The following B4GALNT3 variants were observed in gnomAD, a reference collection of about 807,000 sequenced individuals.
The protein encoded by B4GALNT3 is beta-1,4-N-acetyl-galactosaminyltransferase 3.
Under a neutral mutation model 120.2 loss-of-function variants are expected in B4GALNT3, and 86 were observed. The observed-to-expected ratio is 0.72, with a 90% CI of 0.60 to 0.86. The LOEUF (loss-of-function observed/expected upper bound fraction) is 0.86, where lower values mean the gene tolerates loss of function less well. Among genes scored for constraint, B4GALNT3 ranks in the 40% least tolerant of loss-of-function variants. The probability of loss-of-function intolerance (pLI) is 0.00; values close to 1 mark genes in which losing one functional copy is unlikely to be tolerated. For synonymous variants in B4GALNT3, 518 were observed against 510.4 expected (o/e 1.01, Z -0.20); for missense variants, 1,167 against 1,298.9 (o/e 0.90, Z 1.56).
At chr12:557,560 T>C (rs1357852464) in intron 15 of B4GALNT3, 48 bp from the exon 16 acceptor site, 45 of 1,579,738 alleles carry the variant, frequency 2.8e-5, no homozygotes, top group Non-Finnish European at 3.8e-5. Context: ...CATCCGCTCA[T>C]CTTTGCCTTG....
Position 557,618 on chromosome 12 carries a change from G to A in B4GALNT3, c.2391G>A (p.Gln797=). Residue 797 remains glutamine (Q), a synonymous_variant, in exon 16 of 20, where the codon CAG becomes CAA. Coordinates refer to ENST00000266383, the MANE Select transcript of B4GALNT3 (RefSeq NM_173593.4). ...GACCCCCTGGGGTAGTGAAGAACCA[G>A]GCACGCTGGGTACAGCAATTCATCA... ...VVHFVVPVKN[Q]ARWVQQFIKD... The A allele has an allele frequency of 1.9e-6, 3 of 1,610,668 alleles. No homozygotes were observed. The highest frequency in any genetic ancestry group is 1.7e-5 in the Admixed American group (1 of 59,312).
chr12:520,203 C>T (rs530190092), intron 1 of B4GALNT3, among the ~76,000 whole-genome samples: 9 of 152,276 alleles, frequency 5.9e-5, no homozygotes, highest in South Asian at 2.1e-4. Context: ...GCTATCCATG[C>T]GTCTTAGCAA....
chr12:528,406 A>G (rs1946777017), intron 1 of B4GALNT3, among the ~76,000 whole-genome samples: 2 of 152,154 alleles, frequency 1.3e-5, no homozygotes, highest in Non-Finnish European at 2.9e-5. Context: ...ATTATATTAA[A>G]TAAAACACCC....
chr12:514,359 G>A (rs1946629656), intron 1 of B4GALNT3, among the ~76,000 whole-genome samples: 1 of 152,018 alleles, frequency 6.6e-6, no homozygotes, highest in South Asian at 2.1e-4. Context: ...CACCACGCCT[G>A]GCTAATTTTT....
intron 1 of B4GALNT3, among the ~76,000 whole-genome samples, chr12:467,031 A>C (rs1946088269): frequency 6.6e-6 from 1 of 152,206 alleles, no homozygotes. Context: ...AGATTAGTTT[A>C]GCATATTTTA....
In B4GALNT3 at chr12:548,500, C is replaced by T. The variant is rs1413093429; in HGVS notation, c.853+203C>T. 3.3e-5 allele frequency among the ~76,000 whole-genome samples: 5 copies of T among 152,168 alleles called. No homozygotes were observed. The highest frequency in any genetic ancestry group is 1.2e-4 in the African/African-American group (5 of 41,432). ...CAGGGTCAGTGACCCCTTTGAGAACCTGCTAGAAGCTCTCTGAGCCCTTGC... is the reference window on the plus strand; with the variant it reads ...CAGGGTCAGTGACCCCTTTGAGAACTTGCTAGAAGCTCTCTGAGCCCTTGC... On this transcript the variant is annotated intron_variant, in intron 9 of 19. Coordinates refer to ENST00000266383, the MANE Select transcript of B4GALNT3 (RefSeq NM_173593.4). The surrounding 1 kb of genome is among the most constrained non-coding windows in gnomAD (Gnocchi z 4.9).
chr12:489,785 G>C (rs1458089051), intron 1 of B4GALNT3, among the ~76,000 whole-genome samples: 5 of 152,218 alleles, frequency 3.3e-5, no homozygotes, highest in Admixed American at 3.3e-4. Flanking sequence ...TCTATGAACT[G>C]CTTCATCCAG....
At position 477,585 on chromosome 12, in the gene B4GALNT3, C is replaced by A. The variant is rs369334180; in HGVS notation, c.169+17040C>A. Among the ~76,000 whole-genome samples the A allele has an allele frequency of 2.6e-5, 4 of 152,212 alleles. No individual in the cohort carries two copies. The South Asian group carries it at 8.3e-4, about 32-fold the overall frequency. On this transcript the variant is annotated intron_variant, in intron 1 of 19. Transcript: ENST00000266383. ...CCGTCCTGAGAAACGGAACCCATTC[C>A]AGTGTACAGCTTCTTAAATAAAAGG...
chr12:544,774 C>A, intron 4 of B4GALNT3, 108 bp from the exon 5 acceptor site: 1 of 1,102,022 alleles, frequency 9.1e-7, no homozygotes, highest in Non-Finnish European at 1.3e-6. Flanking sequence ...AAAGCCACAG[C>A]CCTGGTCCCT....
chr12:555,214 CG>C (rs1947138353), intron 14 of B4GALNT3: 1 of 337,736 alleles, frequency 3.0e-6, no homozygotes. Context: ...AAAAAGAAAC[CG>C]TATGTGTTAG....
At chr12:508,148 C>T (rs1052351467) in intron 1 of B4GALNT3, among the ~76,000 whole-genome samples, 4 of 152,236 alleles carry the variant, frequency 2.6e-5, no homozygotes, top group African/African-American at 9.6e-5. Context: ...TTTCCGCTGG[C>T]CCTGCCAGCC....
At chr12:519,025 C>T (rs985884801) in intron 1 of B4GALNT3, among the ~76,000 whole-genome samples, 10 of 152,148 alleles carry the variant, frequency 6.6e-5, no homozygotes, top group Non-Finnish European at 1.2e-4. Flanking sequence ...TAAGCCATTT[C>T]GTGCAACCAT....
rs1030234156 is a variant in B4GALNT3, at chr12:550,623, C to A, written c.998-299C>A. ...TATCGGTACTGTACGAGGGAGGGGA[C>A]CTTCTGGCCTCTTAGAAGTTTCTAG... On this transcript the variant is annotated intron_variant, in intron 10 of 19. Transcript: ENST00000266383. The surrounding 1 kb of genome is among the most constrained non-coding windows in gnomAD (Gnocchi z 4.1). Among the ~76,000 whole-genome samples, 7 of 152,166 alleles carry A rather than the reference C, an allele frequency of 4.6e-5. No individual in the cohort carries two copies. The highest frequency in any genetic ancestry group is 2.4e-5 in the African/African-American group (1 of 41,438).
chr12:487,747 C>A (rs1055627002), intron 1 of B4GALNT3, among the ~76,000 whole-genome samples: 1 of 150,408 alleles, frequency 6.6e-6, no homozygotes, highest in African/African-American at 2.4e-5. Context: ...AAGAAGAAGA[C>A]CAAGAAGAAC....
In B4GALNT3 at chr12:533,634, G is replaced by A. The variant is rs916879336; in HGVS notation, c.170-1532G>A. Among the ~76,000 whole-genome samples the A allele has an allele frequency of 1.2e-3, 188 of 152,146 alleles. 1 individual carries two copies. Among genetic ancestry groups the A allele is most frequent in the Middle Eastern group, 0.01 (3 of 294 alleles). ...AGCTCTCTGTTCTGATCCTGCCTGC[G>A]GAACAACCAGCTCTGTGACTTCAGA... On this transcript the variant is annotated intron_variant, in intron 1 of 19. Transcript: ENST00000266383.
intron 1 of B4GALNT3, among the ~76,000 whole-genome samples, chr12:500,665 G>A (rs1946429739): frequency 6.6e-6 from 1 of 151,950 alleles, no homozygotes; most frequent in African/African-American, 2.4e-5. Flanking sequence ...GAATCCCGTG[G>A]GTGCCCCAAC....
intron 1 of B4GALNT3, among the ~76,000 whole-genome samples, chr12:472,898 T>C (rs1285258695): frequency 6.6e-6 from 1 of 152,212 alleles, no homozygotes; most frequent in Non-Finnish European, 1.5e-5. Flanking sequence ...CAACATAAAT[T>C]GTTTAAAGCA....
In B4GALNT3 at chr12:548,316, T is replaced by C. The variant is rs138017455; in HGVS notation, c.853+19T>C. On this transcript the variant is annotated intron_variant, in intron 9 of 19. Transcript: ENST00000266383. This position sits in a 1 kb window ranked among gnomAD's most constrained non-coding sequence, Gnocchi z 4.9. ...TTCACAAGTGAGTAGGCTCTGGCCCTGCCCTGGAGATGGAGGCCAGGTGGG... is the reference window on the plus strand; with the variant it reads ...TTCACAAGTGAGTAGGCTCTGGCCCCGCCCTGGAGATGGAGGCCAGGTGGG... 1.2e-6 allele frequency: 2 copies of C among 1,611,240 alleles called. No homozygotes were observed. The highest frequency in any genetic ancestry group is 4.5e-5 in the East Asian group (2 of 44,862).
chr12:486,739 A>G (rs1237597506), intron 1 of B4GALNT3, among the ~76,000 whole-genome samples: 1 of 152,174 alleles, frequency 6.6e-6, no homozygotes, highest in Non-Finnish European at 1.5e-5. Flanking sequence ...CCTAACCACG[A>G]TATCACTAAA....
Sources: allele counts gnomAD v4.1 joint callset (sites outside exome capture counted in the v4.1 genomes callset), GRCh38; gene constraint gnomAD v4.1.1; non-coding constraint Gnocchi (gnomAD v3.1); transcripts MANE v1.5; gene names NCBI Gene and HGNC (gene_info 2026-07-23, HGNC 2026-07-21).